The following RHEB variants were observed in gnomAD, a reference collection of about 807,000 sequenced individuals.
The protein encoded by RHEB is GTP-binding protein Rheb.
In RHEB, 2 loss-of-function variants were observed where a neutral mutation model predicts 28.8. The observed-to-expected ratio is 0.07, with a 90% CI of 0.03 to 0.22. The LOEUF is 0.22. Among genes scored for constraint, RHEB ranks in the 10% least tolerant of loss-of-function variants. The pLI is 1.00. For synonymous variants in RHEB, 69 were observed against 77.3 expected, an observed-to-expected ratio of 0.89 and a Z score of 0.56; for missense variants, 76 against 219.9, an observed-to-expected ratio of 0.35 and a Z score of 4.14.
intron 3 of RHEB, among the ~76,000 whole-genome samples, chr7:151,478,697 A>G (rs1802318834): frequency 6.6e-6 from 1 of 151,966 alleles, no homozygotes; most frequent in South Asian, 2.1e-4. Context: ...ATGCAATGGC[A>G]CTATCTCAGC....
At chr7:151,491,772 A>AT (rs1193433839) in intron 1 of RHEB, among the ~76,000 whole-genome samples, 6 of 152,144 alleles carry the variant, frequency 3.9e-5, no homozygotes, top group African/African-American at 1.4e-4. Context: ...AATATGTAAC[A>AT]TAAGTCTTTA....
chr7:151,484,576 G>T (rs570474401), intron 3 of RHEB, among the ~76,000 whole-genome samples, 161 bp downstream of exon 3: 1 of 152,298 alleles, frequency 6.6e-6, no homozygotes, highest in African/African-American at 2.4e-5. Flanking sequence ...ATGAGAAATT[G>T]TTAAGTCGAG....
chr7:151,505,044 A>G (rs1306958823), intron 1 of RHEB, among the ~76,000 whole-genome samples: 3 of 117,942 alleles, frequency 2.5e-5, no homozygotes, highest in Non-Finnish European at 6.1e-5. Flanking sequence ...CTAGAATATG[A>G]AAAAAAAAAC....
intron 3 of RHEB, among the ~76,000 whole-genome samples, chr7:151,480,599 T>A (rs1802365481): frequency 6.6e-6 from 1 of 152,144 alleles, no homozygotes; most frequent in African/African-American, 2.4e-5. Context: ...ACCTATTTTT[T>A]AAAAATTAAA....
intron 1 of RHEB, chr7:151,502,804 T>C: frequency 7.3e-7 from 1 of 1,368,096 alleles, no homozygotes; most frequent in Non-Finnish European, 1.0e-6. Context: ...GTGCAGCTAT[T>C]TCTGGGGACA....
chr7:151,511,934 A>T (rs1353854323), intron 1 of RHEB, among the ~76,000 whole-genome samples: 1 of 152,230 alleles, frequency 6.6e-6, no homozygotes, highest in African/African-American at 2.4e-5. Context: ...TATAGGCGAG[A>T]GCCACTGCGC....
rs928782841 is a variant in RHEB at position 151,468,670 on chromosome 7, A to T, written c.463-1459T>A. ...TTCATGAAAGAACTCCACATCCTCC[A>T]TCCACCAAGCTGACCCACCCACTTG... On this transcript the variant is annotated intron_variant, in intron 7 of 7. Transcript: ENST00000262187. The surrounding 1 kb of genome is among the most constrained non-coding windows in gnomAD (Gnocchi z 4.3). 1.3e-5 allele frequency among the ~76,000 whole-genome samples: 2 copies of T among 152,144 alleles called. No individual in the cohort carries two copies. The highest frequency in any genetic ancestry group is 4.8e-5 in the African/African-American group (2 of 41,434).
At chr7:151,487,005 C>T (rs1802488480) in intron 2 of RHEB, among the ~76,000 whole-genome samples, 1 of 152,166 alleles carries the variant, frequency 6.6e-6, no homozygotes, top group Non-Finnish European at 1.5e-5. Flanking sequence ...AGGGGAAATG[C>T]AGGCAGTTAA....
At chr7:151,519,369 C>A (rs1201239442) in intron 1 of RHEB, 91 bp downstream of exon 1, 5 of 948,518 alleles carry the variant, frequency 5.3e-6, no homozygotes, top group African/African-American at 1.7e-5. Flanking sequence ...CATGGCCGCG[C>A]CGGCTCCAAA....
intron 1 of RHEB, among the ~76,000 whole-genome samples, chr7:151,510,590 A>T (rs931832706): frequency 1.3e-5 from 2 of 152,208 alleles, no homozygotes; most frequent in African/African-American, 4.8e-5. Flanking sequence ...CCTTGAGGGC[A>T]AGGATTATAA....
At chr7:151,497,709 C>T (rs1458377954) in intron 1 of RHEB, among the ~76,000 whole-genome samples, 5 of 152,180 alleles carry the variant, frequency 3.3e-5, no homozygotes, top group Admixed American at 3.3e-4. Flanking sequence ...GGCATGTAGC[C>T]CTGTCTGCCT....
At chr7:151,517,776 G>T (rs1383988847) in intron 1 of RHEB, 1 of 151,986 alleles carries the variant, frequency 6.6e-6, no homozygotes, top group Non-Finnish European at 1.5e-5. Context: ...GGGTAAATCA[G>T]TCAAGATCTT....
chr7:151,511,776 T>C (rs1802993623), intron 1 of RHEB, among the ~76,000 whole-genome samples: 1 of 151,848 alleles, frequency 6.6e-6, no homozygotes, highest in Admixed American at 6.6e-5. Flanking sequence ...TCAGCCTCCC[T>C]AGTAGCTGGG....
At chr7:151,510,852 C>T (rs1160868368) in intron 1 of RHEB, among the ~76,000 whole-genome samples, 1 of 152,038 alleles carries the variant, frequency 6.6e-6, no homozygotes, top group Non-Finnish European at 1.5e-5. Flanking sequence ...GCTGAGGTGG[C>T]TGGATCGCTT....
At chr7:151,479,631 C>T (rs1802344788) in intron 3 of RHEB, among the ~76,000 whole-genome samples, 2 of 145,114 alleles carry the variant, frequency 1.4e-5, no homozygotes, top group Admixed American at 7.1e-5. Context: ...TGCAGTGAGC[C>T]GAGATCGCGC....
intron 1 of RHEB, among the ~76,000 whole-genome samples, chr7:151,495,208 T>C (rs1409664959): frequency 6.6e-6 from 1 of 152,204 alleles, no homozygotes; most frequent in Non-Finnish European, 1.5e-5. Context: ...ATCAACTCTT[T>C]GGAAAAATGT....
intron 7 of RHEB, among the ~76,000 whole-genome samples, chr7:151,469,736 G>A (rs1802126319): frequency 1.3e-5 from 2 of 152,172 alleles, no homozygotes; most frequent in Admixed American, 1.3e-4. Flanking sequence ...GACAGGAGAT[G>A]GTGTGTTTAA....
intron 1 of RHEB, among the ~76,000 whole-genome samples, chr7:151,512,303 A>G (rs1162097543): frequency 2.6e-5 from 4 of 152,210 alleles, no homozygotes; most frequent in Admixed American, 1.3e-4. Flanking sequence ...CCACAATCAC[A>G]GGTAGAGGTG....
intron 1 of RHEB, among the ~76,000 whole-genome samples, chr7:151,511,717 G>A (rs989127984): frequency 1.3e-5 from 2 of 149,868 alleles, no homozygotes. Context: ...GCGCGATCTC[G>A]ACTCACTGCA....
Sources: gnomAD v4.1 joint callset for allele counts (sites outside exome capture counted in the v4.1 genomes callset) on GRCh38, gnomAD v4.1.1 for gene constraint, Gnocchi (gnomAD v3.1) non-coding constraint, MANE v1.5 for transcripts, NCBI Gene and HGNC (gene_info 2026-07-23, HGNC 2026-07-21) for gene names.